The following ANAPC16 variants were observed in gnomAD, a reference collection of about 807,000 sequenced individuals.
ANAPC16 encodes the protein anaphase-promoting complex subunit 16.
Under a neutral mutation model 13.1 loss-of-function variants are expected in ANAPC16, and 6 were observed. The observed-to-expected ratio is 0.46, with a 90% CI of 0.25 to 0.90. ANAPC16 has a LOEUF of 0.90. Ranked by LOEUF, ANAPC16 falls within the 40% of genes least tolerant of loss-of-function variation. The pLI is 0.18. For missense variants in ANAPC16, 113 were observed against 131.1 expected, an observed-to-expected ratio of 0.86 and a Z score of 0.67; for synonymous variants, 55 against 51.3, an observed-to-expected ratio of 1.07 and a Z score of -0.31.
intron 1 of ANAPC16, among the ~76,000 whole-genome samples, chr10:72,222,018 G>A (rs1422946533): frequency 4.0e-5 from 6 of 149,722 alleles, no homozygotes; most frequent in African/African-American, 9.8e-5. Context: ...GTGAGCCACC[G>A]CACCCGGCCA....
chr10:72,231,815 A>G (rs180712937), intron 3 of ANAPC16, among the ~76,000 whole-genome samples: 6 of 152,108 alleles, frequency 3.9e-5, no homozygotes, highest in African/African-American at 1.4e-4. Flanking sequence ...TTGGCATCCC[A>G]AAGTGCTTGG....
intron 1 of ANAPC16, among the ~76,000 whole-genome samples, chr10:72,217,299 C>T (rs1342694706): frequency 6.6e-6 from 1 of 151,898 alleles, no homozygotes; most frequent in African/African-American, 2.4e-5. Context: ...ACGGTGAAAC[C>T]CCGTCTCTCC....
intron 2 of ANAPC16, among the ~76,000 whole-genome samples, chr10:72,229,487 C>T (rs138656518): frequency 1.2e-4 from 19 of 152,152 alleles, no homozygotes; most frequent in East Asian, 9.6e-4. Flanking sequence ...GTAGTGCTAA[C>T]GTGAAGTACT....
intron 2 of ANAPC16, among the ~76,000 whole-genome samples, chr10:72,225,891 C>T (rs577193352): frequency 6.8e-6 from 1 of 147,252 alleles, no homozygotes; most frequent in South Asian, 2.1e-4. Flanking sequence ...CAGAGCAAGA[C>T]TCTGTCTCAA....
Position 72,219,699 on chromosome 10 carries a change from T to C in ANAPC16, c.-28+3561T>C, listed in dbSNP as rs568101931. 2.0e-5 allele frequency among the ~76,000 whole-genome samples: 3 copies of C among 152,308 alleles called. No homozygotes were observed. In the East Asian group the frequency reaches 5.8e-4, roughly 29 times the overall value. ...CTGGAGTTAGCCAGGATAGTGCCAC[T>C]GCATTCCAGCCTGGGAAACATAGCG... On this transcript the variant is annotated intron_variant, in intron 1 of 3. Coordinates refer to ENST00000299381, the MANE Select transcript of ANAPC16 (RefSeq NM_173473.4).
At chr10:72,221,726 A>ATT (rs58310763) in intron 1 of ANAPC16, among the ~76,000 whole-genome samples, 49 of 101,060 alleles carry the variant, frequency 4.8e-4, no homozygotes, top group Non-Finnish European at 6.1e-4. Context: ...ACCCAGCTAA[A>ATT]TTTTTTTTTT....
intron 3 of ANAPC16, among the ~76,000 whole-genome samples, chr10:72,232,196 A>G (rs1461306639): frequency 1.3e-5 from 2 of 149,832 alleles, no homozygotes; most frequent in African/African-American, 2.5e-5. Flanking sequence ...CAAAAAAAAA[A>G]AAAAAAAAAA....
intron 2 of ANAPC16, among the ~76,000 whole-genome samples, chr10:72,225,541 C>T (rs1252083613): frequency 6.6e-6 from 1 of 151,954 alleles, no homozygotes; most frequent in African/African-American, 2.4e-5. Flanking sequence ...ATGATCATGC[C>T]ATGGCACTCC....
In ANAPC16 at chr10:72,234,377, A is replaced by AT. The variant is rs1207259490; in HGVS notation, c.*1262dup. ...GGTCTTGAACTCCTGGCCTCAAGAGATCCCCCCAACCTTGGCCTCCAAAGT... is the reference window on the plus strand; with the variant it reads ...GGTCTTGAACTCCTGGCCTCAAGAGATTCCCCCCAACCTTGGCCTCCAAAGT... On this transcript the variant is annotated 3_prime_UTR_variant, in exon 4 of 4. Transcript: ENST00000299381. 1 of 151,986 alleles carries AT rather than the reference A, an allele frequency of 6.6e-6. No homozygotes were observed. The highest frequency in any genetic ancestry group is 2.4e-5 in the African/African-American group (1 of 41,298). 9.4% of individuals were successfully genotyped at this position (151,986 alleles called of 1,614,324 possible). A position where few individuals can be genotyped will look rare whatever the true frequency, so the allele number is the denominator to read the frequency against.
chr10:72,221,388 TTAAA>T (rs1010194583), intron 1 of ANAPC16, among the ~76,000 whole-genome samples: 1 of 152,006 alleles, frequency 6.6e-6, no homozygotes, highest in African/African-American at 2.4e-5. Context: ...TTAATTAATA[TTAAA>T]TAAAATTTAA....
chr10:72,222,636 G>T (rs1415051503), intron 1 of ANAPC16, among the ~76,000 whole-genome samples: 4 of 152,086 alleles, frequency 2.6e-5, no homozygotes, highest in African/African-American at 9.7e-5. Flanking sequence ...AATTAGCTGG[G>T]CATGGTGGCT....
At chr10:72,219,041 A>C (rs1218980508) in intron 1 of ANAPC16, among the ~76,000 whole-genome samples, 1 of 152,230 alleles carries the variant, frequency 6.6e-6, no homozygotes, top group East Asian at 1.9e-4. Context: ...TGACTTCAAA[A>C]TATAAAGTAT....
chr10:72,231,154 T>C (rs1309860705), intron 3 of ANAPC16, among the ~76,000 whole-genome samples: 1 of 152,180 alleles, frequency 6.6e-6, no homozygotes, highest in African/African-American at 2.4e-5. Flanking sequence ...TGAAACTTTA[T>C]GTAGGGGGAA....
At chr10:72,219,041 ATATAAAG>A (rs1333954747) in intron 1 of ANAPC16, among the ~76,000 whole-genome samples, 1 of 152,230 alleles carries the variant, frequency 6.6e-6, no homozygotes, top group East Asian at 1.9e-4. Context: ...TGACTTCAAA[ATATAAAG>A]TATAAAGCAT....
intron 2 of ANAPC16, among the ~76,000 whole-genome samples, chr10:72,225,639 C>G (rs953475682): frequency 6.6e-6 from 1 of 152,098 alleles, no homozygotes; most frequent in African/African-American, 2.4e-5. Flanking sequence ...CAGTAACTCA[C>G]GCCTGTAATC....
chr10:72,218,157 AAAAAAAAAATATATATATAT>A (rs1859668001), intron 1 of ANAPC16, among the ~76,000 whole-genome samples: 35 of 50,286 alleles, frequency 7.0e-4, no homozygotes, highest in Admixed American at 1.6e-3. Flanking sequence ...AAAAAAAAAA[AAAAAAAAAATATATATATAT>A]ATATATATAT....
chr10:72,231,062 A>G (rs777362895), intron 3 of ANAPC16, among the ~76,000 whole-genome samples: 5 of 152,040 alleles, frequency 3.3e-5, no homozygotes, highest in Non-Finnish European at 7.4e-5. Flanking sequence ...TCCTGATAAC[A>G]CTTTTTCTGT....
intron 1 of ANAPC16, among the ~76,000 whole-genome samples, chr10:72,221,446 G>A (rs1002888991): frequency 1.3e-5 from 2 of 151,798 alleles, no homozygotes; most frequent in African/African-American, 4.8e-5. Context: ...GCAACATGAA[G>A]CTACTGGCAA....
At chr10:72,222,592 C>T (rs1420754704) in intron 1 of ANAPC16, among the ~76,000 whole-genome samples, 7 of 151,702 alleles carry the variant, frequency 4.6e-5, no homozygotes, top group African/African-American at 7.3e-5. Flanking sequence ...GCATGGCCAA[C>T]GTGGTGAAAC....
Sources: allele counts gnomAD v4.1 joint callset (sites outside exome capture counted in the v4.1 genomes callset), GRCh38; gene constraint gnomAD v4.1.1; transcripts MANE v1.5; gene names NCBI Gene and HGNC (gene_info 2026-07-23, HGNC 2026-07-21).